Variants in RNF150 observed in about 807,000 individuals in gnomAD.
RNF150 encodes the protein ring finger protein 150.
Under a neutral mutation model 39.3 loss-of-function variants are expected in RNF150, and 24 were observed. The observed-to-expected ratio is 0.61, with a 90% CI of 0.44 to 0.86. The LOEUF (loss-of-function observed/expected upper bound fraction) is 0.86, where lower values mean the gene tolerates loss of function less well. Among genes scored for constraint, RNF150 ranks in the 40% least tolerant of loss-of-function variants. The pLI is 0.00. For synonymous variants in RNF150, 255 were observed against 227.3 expected, an observed-to-expected ratio of 1.12 and a Z score of -1.10; for missense variants, 502 against 587.8, an observed-to-expected ratio of 0.85 and a Z score of 1.51.
intron 1 of RNF150, among the ~76,000 whole-genome samples, chr4:141,172,745 C>T (rs1727750311): frequency 6.6e-6 from 1 of 152,158 alleles, no homozygotes; most frequent in African/African-American, 2.4e-5. Context: ...TAGGATATTG[C>T]CGGGCACTGT....
intron 1 of RNF150, among the ~76,000 whole-genome samples, chr4:141,071,022 C>T (rs921720472): frequency 3.2e-5 from 4 of 126,726 alleles, no homozygotes; most frequent in Non-Finnish European, 5.1e-5. Context: ...GAAAATGTGG[C>T]ACATATACAC....
intron 1 of RNF150, among the ~76,000 whole-genome samples, chr4:141,068,222 G>A (rs1343842222): frequency 6.6e-6 from 1 of 152,156 alleles, no homozygotes; most frequent in Non-Finnish European, 1.5e-5. Context: ...TGGGATTACA[G>A]GCATGAGCCA....
At position 141,034,324 on chromosome 4, in the gene RNF150, T is replaced by C. The variant is rs574970682; in HGVS notation, c.485-66451A>G. On this transcript the variant is annotated intron_variant, in intron 1 of 6. Coordinates refer to ENST00000515673, the MANE Select transcript of RNF150 (RefSeq NM_020724.2). The stretch of plus-strand genomic sequence containing the variant: ...TTCACCTCTCTCAGCCTTCCTACCA[T>C]TGAAGAGAATTAGGGTCTTGCTCTG... Among the ~76,000 whole-genome samples the C allele has an allele frequency of 1.1e-4, 16 of 152,294 alleles. 1 individual carries two copies. In the South Asian group the frequency reaches 3.1e-3, roughly 30 times the overall value.
intron 1 of RNF150, among the ~76,000 whole-genome samples, chr4:141,058,324 A>G (rs993903787): frequency 1.3e-5 from 2 of 152,130 alleles, no homozygotes; most frequent in African/African-American, 4.8e-5. Flanking sequence ...AGAGGGGTAG[A>G]AGAAAAAAGG....
At chr4:141,106,718 C>A (rs559449203) in intron 1 of RNF150, among the ~76,000 whole-genome samples, 1 of 151,958 alleles carries the variant, frequency 6.6e-6, no homozygotes, top group African/African-American at 2.4e-5. Flanking sequence ...TGCTTGAACC[C>A]GGGAGGCGGA....
intron 1 of RNF150, among the ~76,000 whole-genome samples, chr4:141,124,274 C>A (rs1435666325): frequency 6.6e-6 from 1 of 152,222 alleles, no homozygotes. Context: ...TCACCTGGCC[C>A]TTACATTGTG....
At chr4:140,948,114 C>T (rs1211828401) in intron 3 of RNF150, among the ~76,000 whole-genome samples, 12 of 152,200 alleles carry the variant, frequency 7.9e-5, no homozygotes, top group African/African-American at 2.6e-4. Context: ...AATATTAACA[C>T]ACAATGGTAG....
At chr4:141,206,828 T>C (rs1033646040) in intron 1 of RNF150, among the ~76,000 whole-genome samples, 10 of 151,812 alleles carry the variant, frequency 6.6e-5, no homozygotes, top group Admixed American at 5.2e-4. Context: ...CAGTAAGTGG[T>C]TCTGTTGGAG....
Position 141,132,891 on chromosome 4 carries a change from C to G in RNF150, c.-83G>C. 1 of 1,177,932 alleles carries G rather than the reference C, an allele frequency of 8.5e-7. No individual in the cohort carries two copies. Among genetic ancestry groups the G allele is most frequent in the Non-Finnish European group, 1.2e-6 (1 of 818,580 alleles). 73.0% of individuals were successfully genotyped at this position (1,177,932 alleles called of 1,614,324 possible). A position where few individuals can be genotyped will look rare whatever the true frequency, so the allele number is the denominator to read the frequency against. On this transcript the variant is annotated 5_prime_UTR_variant, in exon 1 of 7. Transcript: ENST00000515673. This position sits in a 1 kb window ranked among gnomAD's most constrained non-coding sequence, Gnocchi z 4.9. The stretch of plus-strand genomic sequence containing the variant: ...TCCCCAGCCCCGGCCAACCCCGGGC[C>G]GCTGCCTCTCCTCCTGCTGCTGCTC...
chr4:140,952,856 G>C (rs1732593482), intron 2 of RNF150, among the ~76,000 whole-genome samples: 1 of 152,090 alleles, frequency 6.6e-6, no homozygotes, highest in African/African-American at 2.4e-5. Context: ...TAATGACAGG[G>C]ATACATTCTG....
chr4:141,141,839 A>G (rs998106334), intron 1 of RNF150, among the ~76,000 whole-genome samples: 2 of 152,132 alleles, frequency 1.3e-5, no homozygotes, highest in African/African-American at 4.8e-5. Flanking sequence ...ATAATATAAT[A>G]AAAAAACTGT....
At chr4:140,990,849 C>T (rs1267769114) in intron 1 of RNF150, among the ~76,000 whole-genome samples, 1 of 151,576 alleles carries the variant, frequency 6.6e-6, no homozygotes, top group Non-Finnish European at 1.5e-5. Flanking sequence ...GGGTATATAC[C>T]CAGTAATGAG....
At chr4:141,003,981 G>C (rs1294794882) in intron 1 of RNF150, among the ~76,000 whole-genome samples, 1 of 152,034 alleles carries the variant, frequency 6.6e-6, no homozygotes, top group Non-Finnish European at 1.5e-5. Context: ...GGAAGGATTG[G>C]GGTTAGGAAG....
At chr4:141,014,492 C>T (rs1316863231) in intron 1 of RNF150, among the ~76,000 whole-genome samples, 1 of 152,204 alleles carries the variant, frequency 6.6e-6, no homozygotes, top group Non-Finnish European at 1.5e-5. Context: ...TCCAGATTCT[C>T]TCCAACACGT....
At chr4:140,922,978 A>T (rs1430789448) in intron 5 of RNF150, among the ~76,000 whole-genome samples, 1 of 150,960 alleles carries the variant, frequency 6.6e-6, no homozygotes, top group African/African-American at 2.5e-5. Context: ...TTCAAGATGG[A>T]TTAAAGACTT....
chr4:141,045,457 A>G (rs1736536418), intron 1 of RNF150, among the ~76,000 whole-genome samples: 1 of 152,208 alleles, frequency 6.6e-6, no homozygotes, highest in East Asian at 1.9e-4. Context: ...GTAGTAATCT[A>G]CACAGGTTTA....
intron 1 of RNF150, among the ~76,000 whole-genome samples, chr4:141,211,011 T>C (rs989003666): frequency 2.0e-5 from 3 of 152,176 alleles, no homozygotes; most frequent in South Asian, 2.1e-4. Flanking sequence ...GTGATTATGA[T>C]TGAGAGCATG....
chr4:141,025,039 C>T (rs536701201), intron 1 of RNF150, among the ~76,000 whole-genome samples: 85 of 152,210 alleles, frequency 5.6e-4, no homozygotes, highest in African/African-American at 2.0e-3. Flanking sequence ...TTAACTTTTT[C>T]TTTGGCATAA....
intron 1 of RNF150, among the ~76,000 whole-genome samples, chr4:141,207,576 C>G (rs1014203308): frequency 1.3e-5 from 2 of 152,026 alleles, no homozygotes; most frequent in Non-Finnish European, 2.9e-5. Flanking sequence ...GAACAATCCA[C>G]CTATATGAAC....
Sources: allele counts gnomAD v4.1 joint callset (sites outside exome capture counted in the v4.1 genomes callset), GRCh38; gene constraint gnomAD v4.1.1; non-coding constraint Gnocchi (gnomAD v3.1); transcripts MANE v1.5; gene names NCBI Gene and HGNC (gene_info 2026-07-23, HGNC 2026-07-21).